RFX3: variants seen among roughly 807,000 people sequenced by gnomAD.
The protein encoded by RFX3 is regulatory factor X3.
In RFX3, 14 loss-of-function variants were observed where a neutral mutation model predicts 98.6. That is an observed-to-expected ratio of 0.14 (90% CI 0.09 to 0.22). The LOEUF is 0.22. RFX3 is among the 10% of genes least tolerant of loss of function. The probability of loss-of-function intolerance (pLI) is 1.00; values close to 1 mark genes in which losing one functional copy is unlikely to be tolerated. For missense variants in RFX3, 639 were observed against 926.9 expected, an observed-to-expected ratio of 0.69 and a Z score of 4.03; for synonymous variants, 383 against 328.4, an observed-to-expected ratio of 1.17 and a Z score of -1.80.
At chr9:3,387,394 T>C (rs1477462994) in intron 2 of RFX3, among the ~76,000 whole-genome samples, 1 of 152,124 alleles carries the variant, frequency 6.6e-6, no homozygotes, top group Non-Finnish European at 1.5e-5. Context: ...AATTACTTAA[T>C]AGAGAATCAA....
chr9:3,245,500 T>C (rs1465559420), intron 15 of RFX3, among the ~76,000 whole-genome samples: 1 of 152,146 alleles, frequency 6.6e-6, no homozygotes, highest in Admixed American at 6.5e-5. Context: ...CAGTCAGCTT[T>C]GCATTTTCAC....
In RFX3 at chr9:3,247,841, GA is replaced by G. The variant is rs1415305992; in HGVS notation, c.1968+190del. On this transcript the variant is annotated intron_variant, in intron 15 of 16. Transcript: ENST00000617270. ...TCACATGATATAATCCACAATTTTA[GA>G]ATCTTTTGATTAAGCACATAAGAAC... is the stretch of plus-strand genomic sequence containing the variant. 6.2e-6 allele frequency: 10 copies of G among 1,605,132 alleles called. No homozygotes were observed. In the South Asian group the frequency reaches 6.7e-5, roughly 11 times the overall value.
At chr9:3,251,208 G>T (rs1395804330) in intron 14 of RFX3, among the ~76,000 whole-genome samples, 1 of 152,154 alleles carries the variant, frequency 6.6e-6, no homozygotes, top group African/African-American at 2.4e-5. Context: ...AATAAAAAAT[G>T]TTAAGAGAAA....
chr9:3,392,451 A>T (rs936647921), intron 2 of RFX3, among the ~76,000 whole-genome samples: 1 of 151,924 alleles, frequency 6.6e-6, no homozygotes, highest in African/African-American at 2.4e-5. Flanking sequence ...ATTAAAAAAA[A>T]AGTGATAGAA....
At chr9:3,475,421 A>C (rs1849150958) in intron 1 of RFX3, among the ~76,000 whole-genome samples, 1 of 151,888 alleles carries the variant, frequency 6.6e-6, no homozygotes, top group South Asian at 2.1e-4. Flanking sequence ...GGGAAGGGTA[A>C]GGAGTGTGAG....
intron 1 of RFX3, among the ~76,000 whole-genome samples, chr9:3,438,884 G>T (rs1034080181): frequency 1.3e-5 from 2 of 151,086 alleles, no homozygotes; most frequent in Non-Finnish European, 3.0e-5. Context: ...CAAAATATAT[G>T]AATCAAAAAC....
intron 2 of RFX3, among the ~76,000 whole-genome samples, chr9:3,389,110 T>A (rs1436757390): frequency 6.6e-6 from 1 of 152,114 alleles, no homozygotes. Flanking sequence ...TAATAAAGAA[T>A]GAAAGTTCTG....
chr9:3,345,587 G>T (rs1834366117), intron 3 of RFX3, among the ~76,000 whole-genome samples: 1 of 152,068 alleles, frequency 6.6e-6, no homozygotes, highest in African/African-American at 2.4e-5. Flanking sequence ...TTGTATCCTT[G>T]CAAAAACCCA....
At chr9:3,249,233 C>T (rs1480702422) in intron 14 of RFX3, among the ~76,000 whole-genome samples, 1 of 152,094 alleles carries the variant, frequency 6.6e-6, no homozygotes, top group Non-Finnish European at 1.5e-5. Context: ...CTTTTGTTTT[C>T]TGTTTCATTT....
intron 2 of RFX3, among the ~76,000 whole-genome samples, chr9:3,387,227 G>A (rs1385473891): frequency 6.6e-6 from 1 of 152,046 alleles, no homozygotes; most frequent in Middle Eastern, 3.2e-3. Flanking sequence ...CATCAAACTT[G>A]TATTTTCTTC....
At position 3,247,695 on chromosome 9, in the gene RFX3, C is replaced by T. The variant is rs867459118; in HGVS notation, c.1968+337G>A. On this transcript the variant is annotated intron_variant, in intron 15 of 16. Coordinates refer to ENST00000617270, the MANE Select transcript of RFX3 (RefSeq NM_001282116.2). ...AATCCTTTCCATTGTATTCCCAGCC[C>T]TTTGCTTTATCAGGAGCACCAATCT... The T allele has an allele frequency of 4.1e-5, 62 of 1,498,100 alleles. No homozygotes were observed. In the African/African-American group the frequency reaches 7.4e-4, roughly 18 times the overall value. 92.8% of individuals were successfully genotyped at this position (1,498,100 alleles called of 1,614,324 possible).
intron 8 of RFX3, among the ~76,000 whole-genome samples, chr9:3,276,622 G>C (rs567444175): frequency 6.6e-6 from 1 of 152,110 alleles, no homozygotes; most frequent in South Asian, 2.1e-4. Context: ...TCCAACCTGA[G>C]AGTCTATTTT....
intron 1 of RFX3, among the ~76,000 whole-genome samples, chr9:3,428,011 T>C (rs567641621): frequency 8.7e-4 from 133 of 152,186 alleles, no homozygotes; most frequent in African/African-American, 3.0e-3. Context: ...AAAATGTCCC[T>C]AGGCAGAAAT....
chr9:3,231,601 G>T lies in RFX3; in HGVS notation c.1969-2712C>A, dbSNP rs566113954. Among the ~76,000 whole-genome samples, 18 of 152,132 alleles carry T rather than the reference G, an allele frequency of 1.2e-4. No individual in the cohort carries two copies. In the South Asian group the frequency reaches 2.9e-3, roughly 25 times the overall value. On this transcript the variant is annotated intron_variant, in intron 15 of 16. Transcript: ENST00000617270. ...CCTCAGGGAAGGTTTTAGAAGTATA[G>T]GGTTCAAGTCTTAGAAATGGAAACC...
intron 2 of RFX3, among the ~76,000 whole-genome samples, chr9:3,374,423 C>T (rs1374164366): frequency 1.4e-5 from 2 of 142,384 alleles, no homozygotes; most frequent in African/African-American, 6.1e-5. Context: ...TTCATAGCAT[C>T]ATAATTCACA....
At chr9:3,293,349 T>C (rs1165741372) in intron 5 of RFX3, 91 bp from the exon 6 acceptor site, 2 of 901,582 alleles carry the variant, frequency 2.2e-6, no homozygotes, top group Admixed American at 2.9e-5. Flanking sequence ...CAGAAATACT[T>C]AGAAGTTCTT....
At chr9:3,253,357 G>A (rs1326993228) in intron 14 of RFX3, among the ~76,000 whole-genome samples, 1 of 152,146 alleles carries the variant, frequency 6.6e-6, no homozygotes, top group Admixed American at 6.5e-5. Flanking sequence ...ATATTGTCCA[G>A]TTGTAGGCAA....
chr9:3,375,830 C>T (rs186321178), intron 2 of RFX3, among the ~76,000 whole-genome samples: 2 of 152,144 alleles, frequency 1.3e-5, no homozygotes, highest in East Asian at 1.9e-4. Context: ...CATGGTGGCA[C>T]ACGCCTGTAG....
intron 13 of RFX3, among the ~76,000 whole-genome samples, chr9:3,259,730 T>G (rs953224610): frequency 6.6e-6 from 1 of 151,962 alleles, no homozygotes; most frequent in Non-Finnish European, 1.5e-5. Flanking sequence ...CCAGTTATAC[T>G]GCAATAGAAA....
Sources: allele counts gnomAD v4.1 joint callset (sites outside exome capture counted in the v4.1 genomes callset), GRCh38; gene constraint gnomAD v4.1.1; transcripts MANE v1.5; gene names NCBI Gene and HGNC (gene_info 2026-07-23, HGNC 2026-07-21).